Variants in CBR4 observed in about 807,000 individuals in gnomAD.
CBR4 encodes carbonyl reductase 4.
A neutral mutation model predicts 21.0 loss-of-function variants in CBR4; 22 were observed. The ratio of observed to expected loss-of-function variants is 1.05; its 90% CI spans 0.75 to 1.50. The LOEUF (loss-of-function observed/expected upper bound fraction) is 1.50. CBR4 is among the 40% of genes most tolerant of loss of function. The pLI is 0.00. For synonymous variants in CBR4, 100 were observed against 104.4 expected (o/e 0.96, Z 0.26); for missense variants, 302 against 286.3 (o/e 1.05, Z -0.40).
chr4:168,934,282 C>CAAAAAAAAAAAAAAAAAAAAAA (rs60538970), intron 2 of CBR4, among the ~76,000 whole-genome samples: 4 of 18,198 alleles, frequency 2.2e-4, no homozygotes, highest in African/African-American at 3.8e-4. Flanking sequence ...GCAAAAAAAA[C>CAAAAAAAAAAAAAAAAAAAAAA]AAAAAAAAAA....
downstream of CBR4, among the ~76,000 whole-genome samples, chr4:168,984,129 C>A (rs914943933): frequency 6.6e-6 from 1 of 152,080 alleles, no homozygotes; most frequent in African/African-American, 2.4e-5. Flanking sequence ...TCTCTCTTTA[C>A]AGATGATGTA....
At chr4:168,920,210 G>A (rs1761164157) in intron 2 of CBR4, among the ~76,000 whole-genome samples, 1 of 152,220 alleles carries the variant, frequency 6.6e-6, no homozygotes, top group South Asian at 2.1e-4. Flanking sequence ...CAAGTGGATA[G>A]ATAGGAGAAC....
chr4:168,984,035 A>C (rs185376037), downstream of CBR4, among the ~76,000 whole-genome samples: 1 of 152,314 alleles, frequency 6.6e-6, no homozygotes, highest in East Asian at 1.9e-4. Flanking sequence ...CCTATTCAAC[A>C]TAATATTATA....
chr4:168,990,777 G>A (rs953671902), intron 4 of CBR4, among the ~76,000 whole-genome samples: 1 of 151,858 alleles, frequency 6.6e-6, no homozygotes, highest in Non-Finnish European at 1.5e-5. Flanking sequence ...TGTTGGCCAG[G>A]TGCAGTGGCT....
chr4:168,992,322 A>G (rs1764964492), intron 4 of CBR4, among the ~76,000 whole-genome samples: 1 of 152,152 alleles, frequency 6.6e-6, no homozygotes, highest in Non-Finnish European at 1.5e-5. Flanking sequence ...GTACACATGG[A>G]TGTGATCACA....
chr4:168,976,886 T>C (rs185666182), intron 2 of CBR4, among the ~76,000 whole-genome samples: 2 of 152,358 alleles, frequency 1.3e-5, no homozygotes, highest in Admixed American at 6.5e-5. Flanking sequence ...CTTCAGGCCA[T>C]CTAGATGTAT....
intron 3 of CBR4, chr4:169,005,773 C>T: frequency 1.5e-6 from 1 of 682,726 alleles, no homozygotes. Flanking sequence ...CTCTCATGTC[C>T]CCTTAGTTTA....
chr4:168,970,939 C>T (rs1325322265), intron 2 of CBR4, among the ~76,000 whole-genome samples: 4 of 151,946 alleles, frequency 2.6e-5, no homozygotes, highest in Non-Finnish European at 5.9e-5. Flanking sequence ...TATAAACATG[C>T]GTGTGCATGT....
chr4:168,956,623 A>C (rs894456903), intron 2 of CBR4, among the ~76,000 whole-genome samples: 2 of 151,186 alleles, frequency 1.3e-5, no homozygotes, highest in Non-Finnish European at 2.9e-5. Context: ...AAAAAAAAAA[A>C]AAAACAGAAT....
At chr4:169,002,250 CAATT>C (rs1730518025) in intron 3 of CBR4, 45 bp from the exon 4 acceptor site, 1 of 1,320,660 alleles carries the variant, frequency 7.6e-7, no homozygotes. Context: ...GTATTAAATT[CAATT>C]AATGGGGTTA....
rs1477872597 is a variant in CBR4 at position 168,976,116 on chromosome 4, CT to C, written n.169+25954del. ...TCATATATGCACTTCCCATTTGCCCCTCACCCCAGATGCTACTCAGGGAAGT... is the reference window on the plus strand; with the variant it reads ...TCATATATGCACTTCCCATTTGCCCCCACCCCAGATGCTACTCAGGGAAGT... On this transcript the variant is annotated intron_variant and non_coding_transcript_variant, in intron 2 of 3. Coordinates refer to the CBR4 transcript ENST00000509108. Among the ~76,000 whole-genome samples the C allele has an allele frequency of 4.6e-5, 7 of 152,208 alleles. 1 individual carries two copies. Among genetic ancestry groups the C allele is most frequent in the Admixed American group, 4.6e-4 (7 of 15,282 alleles).
chr4:168,955,901 A>C lies in CBR4; in HGVS notation n.169+46170T>G, dbSNP rs898587500. On this transcript the variant is annotated intron_variant and non_coding_transcript_variant, in intron 2 of 3. Coordinates refer to the CBR4 transcript ENST00000509108. ...GTGAGATTAAAATGAGTCAGACCCT[A>C]GTACCATGGGAAAATTTCATGGTTG... 1.4e-4 allele frequency among the ~76,000 whole-genome samples: 22 copies of C among 152,166 alleles called. 1 individual carries two copies. In the East Asian group the frequency reaches 4.2e-3, roughly 29 times the overall value.
In CBR4 at chr4:168,990,308, T is replaced by C; in HGVS notation, c.556A>G (p.Thr186Ala). ...VAPGFVHTDM[T>A]KDLKEEHLKK... ...AAATGTTCTTCTTTCAAGTCTTTCG[T>C]CATATCTGTGTGTACAAATCCTAAA... is the stretch of plus-strand genomic sequence containing the variant. Residue 186 changes from threonine (T) to alanine (A), a missense_variant, in exon 5 of 5, where the codon ACG becomes GCG. Thr to Ala is a moderately conservative substitution (Grantham distance 58). Coordinates refer to ENST00000306193, the MANE Select transcript of CBR4 (RefSeq NM_032783.5). 2 of 1,610,930 alleles carry C rather than the reference T, an allele frequency of 1.2e-6. No individual in the cohort carries two copies. The highest frequency in any genetic ancestry group is 1.7e-6 in the Non-Finnish European group (2 of 1,178,060).
At chr4:168,935,139 G>A (rs1398367633) in intron 2 of CBR4, among the ~76,000 whole-genome samples, 1 of 152,196 alleles carries the variant, frequency 6.6e-6, no homozygotes, top group Non-Finnish European at 1.5e-5. Flanking sequence ...GCAGAAGCAG[G>A]GTGGGGTGTC....
At chr4:168,991,413 A>C (rs1406206487) in intron 4 of CBR4, among the ~76,000 whole-genome samples, 1 of 152,230 alleles carries the variant, frequency 6.6e-6, no homozygotes, top group Non-Finnish European at 1.5e-5. Context: ...GGCATCACAA[A>C]AGTGGTCACA....
intron 2 of CBR4, among the ~76,000 whole-genome samples, chr4:168,940,361 A>G (rs1328601279): frequency 6.6e-6 from 1 of 152,240 alleles, no homozygotes; most frequent in African/African-American, 2.4e-5. Context: ...AGGCAATACC[A>G]TTCAGGACAC....
chr4:168,985,776 C>A (rs1021350992), downstream of CBR4, among the ~76,000 whole-genome samples: 8 of 152,158 alleles, frequency 5.3e-5, no homozygotes, highest in African/African-American at 1.9e-4. Context: ...TCCTAAGTAT[C>A]CTAATACCAC....
At chr4:168,966,993 C>G (rs1446851808) in intron 2 of CBR4, among the ~76,000 whole-genome samples, 1 of 137,992 alleles carries the variant, frequency 7.2e-6, no homozygotes, top group East Asian at 2.1e-4. Context: ...CCAGCCTGGG[C>G]AATGGAGCAA....
intron 2 of CBR4, among the ~76,000 whole-genome samples, chr4:168,956,330 G>A (rs1326220210): frequency 6.6e-6 from 1 of 151,896 alleles, no homozygotes; most frequent in Non-Finnish European, 1.5e-5. Context: ...AATAGGCTGG[G>A]TGCAGTGGCT....
Sources: allele counts gnomAD v4.1 joint callset (sites outside exome capture counted in the v4.1 genomes callset), GRCh38; gene constraint gnomAD v4.1.1; transcripts MANE v1.5; gene names NCBI Gene and HGNC (gene_info 2026-07-23, HGNC 2026-07-21).